FLRT1: variants seen among roughly 807,000 people sequenced by gnomAD.
FLRT1 encodes the protein fibronectin leucine rich transmembrane protein 1, also known as leucine-rich repeat transmembrane protein FLRT1.
Under a neutral mutation model 30.9 loss-of-function variants are expected in FLRT1, and 14 were observed. The observed-to-expected ratio is 0.45, with a 90% CI of 0.30 to 0.71. FLRT1 has a LOEUF of 0.71. Ranked by LOEUF, FLRT1 falls within the 30% of genes least tolerant of loss-of-function variation. The probability of loss-of-function intolerance (pLI) is 0.08; values close to 1 mark genes in which losing one functional copy is unlikely to be tolerated. For synonymous variants in FLRT1, 368 were observed against 430.4 expected, an observed-to-expected ratio of 0.85 and a Z score of 1.80; for missense variants, 737 against 949.2, an observed-to-expected ratio of 0.78 and a Z score of 2.94.
At chr11:64,054,919 CTT>C (rs1943756879) in intron 1 of FLRT1, among the ~76,000 whole-genome samples, 1 of 152,162 alleles carries the variant, frequency 6.6e-6, no homozygotes, top group Non-Finnish European at 1.5e-5. Context: ...TGACCGCCCT[CTT>C]TCTCCCCTGC....
At chr11:64,093,310 G>A (rs1029529564) in intron 1 of FLRT1, among the ~76,000 whole-genome samples, 11 of 152,210 alleles carry the variant, frequency 7.2e-5, no homozygotes, top group Admixed American at 1.3e-4. Flanking sequence ...TCAGCTGCTG[G>A]TGTTGTCACT....
Position 64,118,911 on chromosome 11 carries a change from C to T in FLRT1, c.*619C>T, listed in dbSNP as rs1488777211. 1 of 166,688 alleles carries T rather than the reference C, an allele frequency of 6.0e-6. No homozygotes were observed. The highest frequency in any genetic ancestry group is 1.5e-5 in the Non-Finnish European group (1 of 67,992). The allele number at this position is 166,688 out of a possible 1,614,324, so 10.3% of individuals were successfully genotyped here. A position where few individuals can be genotyped will look rare whatever the true frequency, so the allele number is the denominator to read the frequency against. ...GGCATCTTTCACTGCATTCTTTGAA[C>T]AATCATGTAGTCGATTAAAAAAAAA... On this transcript the variant is annotated 3_prime_UTR_variant, in exon 3 of 3. Transcript: ENST00000682287.
At chr11:64,079,575 G>C (rs916533410) in intron 1 of FLRT1, among the ~76,000 whole-genome samples, 1 of 152,192 alleles carries the variant, frequency 6.6e-6, no homozygotes, top group Non-Finnish European at 1.5e-5. Flanking sequence ...GCACAGAGAG[G>C]AGTCCAGGGT....
intron 1 of FLRT1, among the ~76,000 whole-genome samples, chr11:64,062,837 C>T (rs1429873521): frequency 1.3e-5 from 2 of 152,156 alleles, no homozygotes; most frequent in Non-Finnish European, 2.9e-5. Flanking sequence ...AGGGGCAGAA[C>T]TCAGCAGGGG....
intron 1 of FLRT1, among the ~76,000 whole-genome samples, chr11:64,081,500 C>T (rs193195095): frequency 3.9e-5 from 6 of 152,252 alleles, no homozygotes; most frequent in East Asian, 1.9e-4. Context: ...CTGCCTGGTA[C>T]GTGGGGTTCA....
At chr11:64,110,527 G>C (rs1307423307) in intron 2 of FLRT1, among the ~76,000 whole-genome samples, 1 of 151,960 alleles carries the variant, frequency 6.6e-6, no homozygotes, top group African/African-American at 2.4e-5. Flanking sequence ...CTCTGTCCTG[G>C]AGGTTGGCAG....
In FLRT1 at chr11:64,058,810, G is replaced by A. The variant is rs564986762; in HGVS notation, c.-1038+22651G>A. On this transcript the variant is annotated intron_variant, in intron 1 of 2. Transcript: ENST00000682287. ...GGCCAGGGCCTGGATCCTCTCTGAC[G>A]GGTGGGAGGGCGTGAAGAGGGCAGC... 3.5e-4 allele frequency among the ~76,000 whole-genome samples: 54 copies of A among 152,300 alleles called. No individual in the cohort carries two copies. The Middle Eastern group carries it at 0.014, about 38-fold the overall frequency.
chr11:64,115,467 G>T (rs1474614129), intron 2 of FLRT1, among the ~76,000 whole-genome samples: 1 of 152,030 alleles, frequency 6.6e-6, no homozygotes, highest in Non-Finnish European at 1.5e-5. Context: ...CGGAACCCAG[G>T]GCCAGGGAGG....
chr11:64,050,449 C>T (rs926545242), intron 1 of FLRT1, among the ~76,000 whole-genome samples: 22 of 152,216 alleles, frequency 1.4e-4, no homozygotes, highest in Non-Finnish European at 2.5e-4. Flanking sequence ...CCCAGATGCC[C>T]GGGCACTGCT....
intron 1 of FLRT1, among the ~76,000 whole-genome samples, chr11:64,065,245 GA>G: frequency 6.6e-6 from 1 of 152,304 alleles, no homozygotes; most frequent in East Asian, 1.9e-4. Flanking sequence ...AGTGTTGAGC[GA>G]TCGGAGCAGT....
intron 1 of FLRT1, among the ~76,000 whole-genome samples, chr11:64,080,051 C>T (rs192296102): frequency 3.2e-4 from 49 of 152,300 alleles, no homozygotes; most frequent in Middle Eastern, 3.4e-3. Context: ...CTCACTCTGT[C>T]GCCCAGGCTG....
In FLRT1 at chr11:64,116,986, CCGA is replaced by C. The variant is rs1166856480; in HGVS notation, c.724_726del (p.Asp242del). ...AACCTGCTGGCCAACCAGCGCATCG[CCGA>C]CGACACCTTCAGCCGCCTACAGAAC... On this transcript the variant is annotated inframe_deletion, in exon 3 of 3. Coordinates refer to ENST00000682287, the MANE Select transcript of FLRT1 (RefSeq NM_013280.5). The C allele has an allele frequency of 3.1e-6, 5 of 1,612,282 alleles. No homozygotes were observed. Among genetic ancestry groups the C allele is most frequent in the African/African-American group, 1.3e-5 (1 of 74,924 alleles).
chr11:64,072,351 C>T (rs1418847312), intron 1 of FLRT1, among the ~76,000 whole-genome samples: 1 of 151,834 alleles, frequency 6.6e-6, no homozygotes, highest in Non-Finnish European at 1.5e-5. Context: ...TTGCCTCTGG[C>T]AGAGGCCGTG....
rs1416537873 is a variant in FLRT1 at position 64,082,280 on chromosome 11, T to C, written c.-1037-20914T>C. Among the ~76,000 whole-genome samples, 1 of 151,422 alleles carries C rather than the reference T, an allele frequency of 6.6e-6. No individual in the cohort carries two copies. Among genetic ancestry groups the C allele is most frequent in the Non-Finnish European group, 1.5e-5 (1 of 67,848 alleles). ...GGCTGAGCCTGGGGGGTGGAGAAAA[T>C]CTTGCCTCCTGCTCTGAGCAGCCAG... On this transcript the variant is annotated intron_variant, in intron 1 of 2. Transcript: ENST00000682287. The surrounding 1 kb of genome is among the most constrained non-coding windows in gnomAD (Gnocchi z 4.5).
intron 2 of FLRT1, among the ~76,000 whole-genome samples, chr11:64,110,903 G>T (rs1257298897): frequency 1.3e-5 from 2 of 152,180 alleles, no homozygotes; most frequent in Non-Finnish European, 2.9e-5. Context: ...CCCACCCCCA[G>T]GTCCCGCCCT....
intron 1 of FLRT1, among the ~76,000 whole-genome samples, chr11:64,072,973 C>G (rs974365005): frequency 2.6e-5 from 4 of 152,210 alleles, no homozygotes; most frequent in African/African-American, 9.6e-5. Context: ...ACTGCCCTGT[C>G]TTCTGAAGGG....
chr11:64,080,615 GGTTACGTTTATGATACA>G (rs1324068460), intron 1 of FLRT1, among the ~76,000 whole-genome samples: 2 of 152,160 alleles, frequency 1.3e-5, no homozygotes, highest in East Asian at 3.8e-4. Context: ...AGCAAGGGAG[GGTTACGTTTATGATACA>G]GTTACGTTTA....
chr11:64,078,615 G>C (rs1944247151), intron 1 of FLRT1, among the ~76,000 whole-genome samples: 1 of 152,178 alleles, frequency 6.6e-6, no homozygotes, highest in Admixed American at 6.5e-5. Context: ...GGATTGCCTG[G>C]CCCTCTCCTG....
At chr11:64,076,451 CGGAT>C (rs34046350) in intron 1 of FLRT1, among the ~76,000 whole-genome samples, 1 of 151,796 alleles carries the variant, frequency 6.6e-6, no homozygotes, top group Admixed American at 6.6e-5. Context: ...GATGGATGGA[CGGAT>C]GGATGGACGG....
Sources: allele counts gnomAD v4.1 joint callset (sites outside exome capture counted in the v4.1 genomes callset), GRCh38; gene constraint gnomAD v4.1.1; non-coding constraint Gnocchi (gnomAD v3.1); transcripts MANE v1.5; gene names NCBI Gene and HGNC (gene_info 2026-07-23, HGNC 2026-07-21).